Variants in DENND1A observed in about 807,000 individuals in gnomAD.
DENND1A encodes the protein DENN domain-containing protein 1A.
In DENND1A, 51 loss-of-function variants were observed where a neutral mutation model predicts 113.7. The ratio of observed to expected loss-of-function variants is 0.45; its 90% CI spans 0.36 to 0.57. The LOEUF is 0.57. Among genes scored for constraint, DENND1A ranks in the 20% least tolerant of loss-of-function variants. The probability of loss-of-function intolerance (pLI) is 0.00; values close to 1 mark genes in which losing one functional copy is unlikely to be tolerated. For synonymous variants in DENND1A, 565 were observed against 570.8 expected (o/e 0.99, Z 0.14); for missense variants, 1,258 against 1,395.9 (o/e 0.90, Z 1.57).
At chr9:123,790,372 T>C (rs1195749392) in intron 3 of DENND1A, among the ~76,000 whole-genome samples, 1 of 151,326 alleles carries the variant, frequency 6.6e-6, no homozygotes, top group Non-Finnish European at 1.5e-5. Context: ...AATCATTTCT[T>C]GGGTTATAGG....
chr9:123,617,885 G>A (rs2060736869), intron 10 of DENND1A, among the ~76,000 whole-genome samples: 1 of 152,122 alleles, frequency 6.6e-6, no homozygotes, highest in Non-Finnish European at 1.5e-5. Context: ...AAGAGAAAAA[G>A]AGAAAGAGGC....
Position 123,882,622 on chromosome 9 carries a change from T to C in DENND1A, c.18-3601A>G, listed in dbSNP as rs622323. Among the ~76,000 whole-genome samples the C allele has an allele frequency of 3.7e-3, 565 of 152,270 alleles. 1 individual carries two copies. Among genetic ancestry groups the C allele is most frequent in the African/African-American group, 0.013 (532 of 41,548 alleles). On this transcript the variant is annotated intron_variant, in intron 1 of 23. Coordinates refer to ENST00000394215, the MANE Select transcript of DENND1A (RefSeq NM_001352964.2). ...TACTGCAGCACCCTCCTGATGGGTC[T>C]CCCTGCTTTCTTCCTTGCCCCTCTA...
intron 19 of DENND1A, among the ~76,000 whole-genome samples, chr9:123,414,882 A>G (rs1469812613): frequency 6.6e-6 from 1 of 152,196 alleles, no homozygotes; most frequent in Non-Finnish European, 1.5e-5. Context: ...TCTGTTTACC[A>G]TAGGGTCTAG....
At chr9:123,703,850 G>T (rs1189452016) in intron 5 of DENND1A, among the ~76,000 whole-genome samples, 1 of 152,102 alleles carries the variant, frequency 6.6e-6, no homozygotes, top group Non-Finnish European at 1.5e-5. Flanking sequence ...GAACTTTTGG[G>T]AGTGACAGAA....
intron 5 of DENND1A, among the ~76,000 whole-genome samples, chr9:123,694,658 T>C (rs996003205): frequency 4.6e-5 from 7 of 152,208 alleles, no homozygotes; most frequent in Non-Finnish European, 8.8e-5. Flanking sequence ...GTTTTCAATA[T>C]CTAGAATTGT....
chr9:123,612,714 C>A (rs1459328613), intron 10 of DENND1A, among the ~76,000 whole-genome samples: 2 of 152,134 alleles, frequency 1.3e-5, no homozygotes, highest in Non-Finnish European at 2.9e-5. Context: ...TAAAAATGAA[C>A]ACCTTCATGT....
At chr9:123,911,009 T>C (rs1338212048) in intron 1 of DENND1A, among the ~76,000 whole-genome samples, 1 of 152,190 alleles carries the variant, frequency 6.6e-6, no homozygotes, top group Non-Finnish European at 1.5e-5. Context: ...AGAAAGATTT[T>C]TGTAATACTT....
intron 5 of DENND1A, among the ~76,000 whole-genome samples, chr9:123,700,006 C>T (rs955941657): frequency 9.9e-5 from 15 of 152,144 alleles, no homozygotes; most frequent in African/African-American, 3.6e-4. Flanking sequence ...CCTACCCTTT[C>T]ATTTTTTAAC....
intron 2 of DENND1A, among the ~76,000 whole-genome samples, chr9:123,877,346 G>A (rs640536): frequency 0.086 from 13,073 of 151,884 alleles, 940 homozygotes; most frequent in African/African-American, 0.2. Context: ...AAAATTAGCC[G>A]GACGTGGTGG....
intron 3 of DENND1A, among the ~76,000 whole-genome samples, chr9:123,775,559 A>G (rs1248930968): frequency 6.6e-6 from 1 of 152,088 alleles, no homozygotes; most frequent in Non-Finnish European, 1.5e-5. Flanking sequence ...TAGAAATACT[A>G]TTTTGTAAGC....
chr9:123,870,712 G>A lies in DENND1A; in HGVS notation c.88+8239C>T, dbSNP rs974420180. 1.1e-4 allele frequency among the ~76,000 whole-genome samples: 17 copies of A among 152,178 alleles called. No individual in the cohort carries two copies. In the East Asian group the frequency reaches 3.3e-3, roughly 29 times the overall value. On this transcript the variant is annotated intron_variant, in intron 2 of 23. Transcript: ENST00000394215. ...AGCCTCCCAAAGTGCTGGGATTATA[G>A]GTGTGAACCACCGTGGCTGGCCTCA...
At chr9:123,921,553 T>C (rs1035956555) in intron 1 of DENND1A, among the ~76,000 whole-genome samples, 1 of 152,186 alleles carries the variant, frequency 6.6e-6, no homozygotes. Flanking sequence ...GTGGCTAAAG[T>C]GAATTCAAAA....
intron 5 of DENND1A, among the ~76,000 whole-genome samples, chr9:123,734,354 C>T (rs528681928): frequency 2.0e-5 from 3 of 152,128 alleles, no homozygotes; most frequent in Admixed American, 6.5e-5. Flanking sequence ...ATTTAACTTT[C>T]TTTATCAGAG....
At chr9:123,602,344 T>G (rs1426472084) in intron 11 of DENND1A, among the ~76,000 whole-genome samples, 3 of 152,206 alleles carry the variant, frequency 2.0e-5, no homozygotes, top group Non-Finnish European at 4.4e-5. Flanking sequence ...CCATATTGGC[T>G]TTTTAATTTA....
intron 12 of DENND1A, among the ~76,000 whole-genome samples, chr9:123,565,441 G>C (rs2058001624): frequency 6.6e-6 from 1 of 152,196 alleles, no homozygotes; most frequent in Non-Finnish European, 1.5e-5. Context: ...CCTGGGAGTT[G>C]CATTAACTGC....
intron 13 of DENND1A, among the ~76,000 whole-genome samples, chr9:123,481,108 T>G (rs2050299076): frequency 6.6e-6 from 1 of 152,212 alleles, no homozygotes; most frequent in East Asian, 1.9e-4. Flanking sequence ...CAGCAGAAAT[T>G]TATTTTCAAC....
At chr9:123,766,310 A>G (rs1232818151) in intron 4 of DENND1A, among the ~76,000 whole-genome samples, 1 of 152,098 alleles carries the variant, frequency 6.6e-6, no homozygotes, top group African/African-American at 2.4e-5. Context: ...ATCCTGTTTA[A>G]TATGTCTTTA....
chr9:123,679,943 T>G (rs2064333794), intron 5 of DENND1A, among the ~76,000 whole-genome samples: 1 of 151,872 alleles, frequency 6.6e-6, no homozygotes, highest in African/African-American at 2.4e-5. Flanking sequence ...CACTGCGGAG[T>G]ACCACAGTTG....
At position 123,457,363 on chromosome 9, in the gene DENND1A, T is replaced by C. The variant is rs771486804; in HGVS notation, c.1171A>G (p.Met391Val). The change falls in exon 15 of 24, where the codon ATG becomes GTG. Residue 391 changes from methionine to valine, a missense_variant. Physicochemically the swap from Met to Val is conservative, Grantham distance 21. Coordinates refer to ENST00000394215, the MANE Select transcript of DENND1A (RefSeq NM_001352964.2). ...TGCTTCTCACCAGCGTACTCGCCCA[T>C]GTTGATTTCCTCTTCAAAAACATCA... Reference protein sequence around the residue: ...FSDVFEEEINMGEYAGSDKLY... With the variant: ...FSDVFEEEINVGEYAGSDKLY... 8.7e-6 allele frequency: 14 copies of C among 1,613,924 alleles called. No homozygotes were observed. In the South Asian group the frequency reaches 1.4e-4, roughly 16 times the overall value.
Sources: allele counts gnomAD v4.1 joint callset (sites outside exome capture counted in the v4.1 genomes callset), GRCh38; gene constraint gnomAD v4.1.1; transcripts MANE v1.5; gene names NCBI Gene and HGNC (gene_info 2026-07-23, HGNC 2026-07-21).